The following RIMS4 variants were observed in gnomAD, a reference collection of about 807,000 sequenced individuals.
The protein encoded by RIMS4 is regulating synaptic membrane exocytosis protein 4.
Under a neutral mutation model 29.0 loss-of-function variants are expected in RIMS4, and 9 were observed. The observed-to-expected ratio is 0.31, with a 90% confidence interval of 0.19 to 0.54. The LOEUF is 0.54. Among genes scored for constraint, RIMS4 ranks in the 20% least tolerant of loss-of-function variants. The pLI, the probability that RIMS4 is intolerant of heterozygous loss-of-function variation, is 0.94. For missense variants in RIMS4, 193 were observed against 365.7 expected, an observed-to-expected ratio of 0.53 and a Z score of 3.85; for synonymous variants, 130 against 152.9, an observed-to-expected ratio of 0.85 and a Z score of 1.10.
chr20:44,802,573 G>T (rs1156518215), intron 1 of RIMS4, among the ~76,000 whole-genome samples: 2 of 152,136 alleles, frequency 1.3e-5, no homozygotes, highest in Non-Finnish European at 2.9e-5. Flanking sequence ...TGAGCAGAAA[G>T]AACCCAGCCT....
chr20:44,800,128 A>G (rs1356467769), intron 1 of RIMS4, among the ~76,000 whole-genome samples: 1 of 152,178 alleles, frequency 6.6e-6, no homozygotes, highest in African/African-American at 2.4e-5. Context: ...ACCATGCTAT[A>G]CTGCCTAGTG....
chr20:44,769,223 C>A (rs2066126527), intron 2 of RIMS4, among the ~76,000 whole-genome samples: 1 of 152,220 alleles, frequency 6.6e-6, no homozygotes, highest in Admixed American at 6.5e-5. Context: ...CACCTGCAGG[C>A]ATCACCTCGT....
intron 1 of RIMS4, among the ~76,000 whole-genome samples, chr20:44,806,210 G>T (rs1349478197): frequency 6.6e-6 from 1 of 152,232 alleles, no homozygotes; most frequent in East Asian, 1.9e-4. Context: ...CCAGGCGGGA[G>T]GGGGAGAACT....
rs778025338 is a variant in RIMS4, at chr20:44,757,798, TG to T, written c.350-28del. On this transcript the variant is annotated intron_variant, in intron 3 of 5. Transcript: ENST00000372851. ...TGGAAGAGGCACCAAGAGATGAGAC[TG>T]GGAAATGGTTCAGAAGCTCAAGCTT... 3.2e-6 allele frequency: 5 copies of T among 1,580,766 alleles called. No homozygotes were observed. In the Admixed American group the frequency reaches 8.3e-5, roughly 26 times the overall value.
chr20:44,764,259 C>CCATCCATTTATCCATCCGTCCATTT (rs1555859478), intron 2 of RIMS4, among the ~76,000 whole-genome samples: 1 of 152,004 alleles, frequency 6.6e-6, no homozygotes, highest in Non-Finnish European at 1.5e-5. Flanking sequence ...TCCATCCTCC[C>CCATCCATTTATCCATCCGTCCATTT]ACAAACTCAC....
chr20:44,770,194 C>T (rs773352246), intron 2 of RIMS4, among the ~76,000 whole-genome samples: 2 of 152,224 alleles, frequency 1.3e-5, no homozygotes, highest in Non-Finnish European at 2.9e-5. Flanking sequence ...GACCATGAAG[C>T]GATGCAGTGC....
At chr20:44,808,802 A>G (rs998537536) in intron 1 of RIMS4, among the ~76,000 whole-genome samples, 3 of 152,218 alleles carry the variant, frequency 2.0e-5, no homozygotes, top group African/African-American at 7.2e-5. Context: ...TCATCCCATG[A>G]TGGAACCTTG....
At chr20:44,769,504 G>A (rs1401374209) in intron 2 of RIMS4, among the ~76,000 whole-genome samples, 1 of 152,206 alleles carries the variant, frequency 6.6e-6, no homozygotes, top group Non-Finnish European at 1.5e-5. Flanking sequence ...TGAGCTTCCT[G>A]ACTCCCTGAG....
chr20:44,787,247 G>A (rs1168979784), intron 1 of RIMS4, among the ~76,000 whole-genome samples: 3 of 152,084 alleles, frequency 2.0e-5, no homozygotes, highest in Non-Finnish European at 2.9e-5. Flanking sequence ...GGAGAGGGCA[G>A]ACTGAAAAAC....
At chr20:44,785,642 C>T (rs1254679063) in intron 1 of RIMS4, among the ~76,000 whole-genome samples, 1 of 152,148 alleles carries the variant, frequency 6.6e-6, no homozygotes, top group African/African-American at 2.4e-5. Context: ...GTCCCAGCTC[C>T]ACTACTGACT....
chr20:44,761,297 C>T (rs1483407289), intron 2 of RIMS4, among the ~76,000 whole-genome samples: 1 of 152,180 alleles, frequency 6.6e-6, no homozygotes, highest in Non-Finnish European at 1.5e-5. Context: ...AAGAAACCTA[C>T]CCAAATGACA....
At position 44,810,185 on chromosome 20, in the gene RIMS4, G is replaced by C. The variant is rs1347235952; in HGVS notation, c.87C>G (p.Asp29Glu). ...IYFPCMNSFD[D>E]EDAGDSRRLK... ...GGGCCGCGCGCTTACCTGCGTCCTC[G>C]TCGTCGAAGGAGTTCATGCACGGGA... The change falls in exon 1 of 6, where the codon GAC becomes GAG. Residue 29 changes from aspartate (D) to glutamate (E), a missense_variant. By Grantham distance (45) the Asp-to-Glu change is conservative. Coordinates refer to ENST00000372851, the MANE Select transcript of RIMS4 (RefSeq NM_182970.4). The C allele has an allele frequency of 6.3e-7, 1 of 1,588,058 alleles. No individual in the cohort carries two copies. The highest frequency in any genetic ancestry group is 8.6e-7 in the Non-Finnish European group (1 of 1,165,380).
chr20:44,757,161 G>A (rs2066064271), intron 4 of RIMS4, 124 bp from the exon 5 acceptor site: 4 of 1,026,016 alleles, frequency 3.9e-6, no homozygotes, highest in South Asian at 3.2e-5. Context: ...GGTCTGGGGA[G>A]GACGCACCAG....
At chr20:44,788,346 A>G (rs1471060021) in intron 1 of RIMS4, among the ~76,000 whole-genome samples, 2 of 152,194 alleles carry the variant, frequency 1.3e-5, no homozygotes, top group Non-Finnish European at 2.9e-5. Flanking sequence ...GGCACAGAAC[A>G]TTTTCATCAT....
intron 1 of RIMS4, among the ~76,000 whole-genome samples, chr20:44,802,194 T>C (rs2145479693): frequency 6.6e-6 from 1 of 152,272 alleles, no homozygotes; most frequent in South Asian, 2.1e-4. Context: ...GGGAACCTAC[T>C]ATGTGCCGAG....
chr20:44,787,358 T>C (rs1265038465), intron 1 of RIMS4, among the ~76,000 whole-genome samples: 2 of 152,184 alleles, frequency 1.3e-5, no homozygotes, highest in African/African-American at 4.8e-5. Context: ...CTAGCATTCA[T>C]TGGGCACGGG....
At chr20:44,803,811 C>G (rs1303693254) in intron 1 of RIMS4, among the ~76,000 whole-genome samples, 1 of 152,250 alleles carries the variant, frequency 6.6e-6, no homozygotes, top group Admixed American at 6.5e-5. Context: ...CAACTGGATT[C>G]TTCAAGGAGG....
chr20:44,761,225 CACA>C (rs1221560651), intron 2 of RIMS4, among the ~76,000 whole-genome samples: 4 of 152,176 alleles, frequency 2.6e-5, no homozygotes, highest in African/African-American at 7.2e-5. Flanking sequence ...ATTTCAGCCT[CACA>C]ACAACCCCAT....
intron 2 of RIMS4, among the ~76,000 whole-genome samples, chr20:44,763,997 T>G (rs1200769420): frequency 6.6e-6 from 1 of 151,314 alleles, no homozygotes; most frequent in Non-Finnish European, 1.5e-5. Context: ...TATCACTTCA[T>G]CCATCCATCC....
Sources: gnomAD v4.1 joint callset for allele counts (sites outside exome capture counted in the v4.1 genomes callset) on GRCh38, gnomAD v4.1.1 for gene constraint, MANE v1.5 for transcripts, NCBI Gene and HGNC (gene_info 2026-07-23, HGNC 2026-07-21) for gene names.